CEP290: variants seen among roughly 807,000 people sequenced by gnomAD.
CEP290 encodes centrosomal protein of 290 kDa.
CEP290 carries 317 observed loss-of-function variants against 344.9 expected under a neutral mutation model. The ratio of observed to expected loss-of-function variants is 0.92; its 90% confidence interval spans 0.84 to 1.01. The LOEUF (loss-of-function observed/expected upper bound fraction) is 1.01, where lower values mean the gene tolerates loss of function less well. CEP290 is among the 50% of genes least tolerant of loss of function. The pLI is 0.00. For missense variants in CEP290, 2,754 were observed against 2,761.4 expected (o/e 1.00, Z 0.06); for synonymous variants, 932 against 895.8 (o/e 1.04, Z -0.72).
intron 43 of CEP290, among the ~76,000 whole-genome samples, chr12:88,070,104 C>A (rs540005068): frequency 1.3e-5 from 2 of 152,234 alleles, no homozygotes; most frequent in East Asian, 3.9e-4. Flanking sequence ...CACACACACA[C>A]AAAAATCTCA....
intron 28 of CEP290, among the ~76,000 whole-genome samples, chr12:88,093,291 T>C (rs1179574098): frequency 6.6e-6 from 1 of 152,128 alleles, no homozygotes; most frequent in Non-Finnish European, 1.5e-5. Context: ...TTGTGTTTAA[T>C]CATAAATTGT....
chr12:88,111,657 A>T lies in CEP290; in HGVS notation c.2217+37T>A, dbSNP rs775792473. The T allele has an allele frequency of 2.7e-6, 4 of 1,504,396 alleles. No individual in the cohort carries two copies. In the South Asian group the frequency reaches 5.4e-5, roughly 20 times the overall value. 93.2% of individuals were successfully genotyped at this position (1,504,396 alleles called of 1,614,324 possible). A position where few individuals can be genotyped will look rare whatever the true frequency, so the allele number is the denominator to read the frequency against. On this transcript the variant is annotated intron_variant, in intron 21 of 53. Coordinates refer to ENST00000552810, the MANE Select transcript of CEP290 (RefSeq NM_025114.4). ...AATTTCCTATTAAATCTACATTCTT[A>T]TGTTTAGCATTTTCTTTTATTTAAT...
rs779409629 is a variant in CEP290, at chr12:88,130,544, C to T, written c.516+1G>A. 8.2e-6 allele frequency: 13 copies of T among 1,594,278 alleles called. No individual in the cohort carries two copies. Among genetic ancestry groups the T allele is most frequent in the Non-Finnish European group, 2.6e-6 (3 of 1,171,664 alleles). On this transcript the variant is annotated splice_donor_variant, in intron 8 of 53. Transcript: ENST00000552810. LOFTEE classifies it high-confidence loss of function. Reference sequence around the variant, plus strand: ...AGATTTCACCACACTTAAAGCCTCACCTTTTTCTTTAGACGTTTGTTCTAC... The same window carrying T: ...AGATTTCACCACACTTAAAGCCTCATCTTTTTCTTTAGACGTTTGTTCTAC...
intron 9 of CEP290, 51 bp downstream of exon 9, chr12:88,130,217 A>C: frequency 6.7e-7 from 1 of 1,498,876 alleles, no homozygotes; most frequent in Non-Finnish European, 9.0e-7. Context: ...ATTGTAATGA[A>C]ATTAAAGTTT....
At chr12:88,053,142 T>A (rs1262196114) in intron 52 of CEP290, among the ~76,000 whole-genome samples, 1 of 152,174 alleles carries the variant, frequency 6.6e-6, no homozygotes, top group Non-Finnish European at 1.5e-5. Flanking sequence ...AACACATGTA[T>A]GCATATGTGT....
At position 88,139,192 on chromosome 12, in the gene CEP290, C is replaced by T; in HGVS notation, c.251-1G>A. 2 of 1,106,464 alleles carry T rather than the reference C, an allele frequency of 1.8e-6. No individual in the cohort carries two copies. The highest frequency in any genetic ancestry group is 2.5e-6 in the Non-Finnish European group (2 of 802,776). 68.5% of individuals were successfully genotyped at this position (1,106,464 alleles called of 1,614,324 possible). On this transcript the variant is annotated splice_acceptor_variant, in intron 4 of 53. Coordinates refer to ENST00000552810, the MANE Select transcript of CEP290 (RefSeq NM_025114.4). LOFTEE classifies it high-confidence loss of function. ...ATTACTTTAGTTTTTAATTGATTTT[C>T]TATTTTTTTAAAAAAAAAGAAAAAC...
At chr12:88,119,832 G>A (rs2039296556) in intron 15 of CEP290, among the ~76,000 whole-genome samples, 1 of 152,058 alleles carries the variant, frequency 6.6e-6, no homozygotes, top group Non-Finnish European at 1.5e-5. Flanking sequence ...CTGATATGTG[G>A]TATTAATAAA....
intron 24 of CEP290, 28 bp from the exon 25 acceptor site, chr12:88,106,933 G>C: frequency 1.3e-6 from 2 of 1,569,504 alleles, no homozygotes; most frequent in South Asian, 2.3e-5. Flanking sequence ...CATATTACTT[G>C]TTGAATCTAG....
At position 88,071,210 on chromosome 12, in the gene CEP290, A is replaced by C. The variant is rs191730877; in HGVS notation, c.6011+84T>G. On this transcript the variant is annotated intron_variant, in intron 43 of 53. Transcript: ENST00000552810. Reference sequence around the variant, plus strand: ...AAAGAAAACATAACCCAAGCTTAAGACAACACACATTTATTATTTCAATTT... The same window carrying C: ...AAAGAAAACATAACCCAAGCTTAAGCCAACACACATTTATTATTTCAATTT... The C allele has an allele frequency of 2.1e-4, 234 of 1,099,276 alleles. 1 individual carries two copies. The East Asian group carries it at 5.8e-3, about 27-fold the overall frequency. The allele number at this position is 1,099,276 out of a possible 1,614,324, so 68.1% of individuals were successfully genotyped here. A position where few individuals can be genotyped will look rare whatever the true frequency, so the allele number is the denominator to read the frequency against.
intron 51 of CEP290, 136 bp from the exon 52 acceptor site, chr12:88,053,882 T>C: frequency 2.0e-6 from 1 of 511,840 alleles, no homozygotes; most frequent in Non-Finnish European, 3.4e-6. Context: ...TTACTCTCAA[T>C]GCTACAATGT....
intron 41 of CEP290, among the ~76,000 whole-genome samples, chr12:88,076,813 T>G (rs1381106266): frequency 6.6e-6 from 1 of 152,022 alleles, no homozygotes; most frequent in Non-Finnish European, 1.5e-5. Flanking sequence ...AGGACCTATT[T>G]GGGTCAAAGT....
chr12:88,084,591 T>C lies in CEP290; in HGVS notation c.4699A>G (p.Arg1567Gly), dbSNP rs1405095364. 3 of 1,608,574 alleles carry C rather than the reference T, an allele frequency of 1.9e-6. No homozygotes were observed. The highest frequency in any genetic ancestry group is 1.7e-6 in the Non-Finnish European group (2 of 1,175,686). ...KKYQRLLEKA[R>G]EEQREIVKKH... Reference sequence around the variant, plus strand: ...CTCATAATATAATAAAATACCTCTCTGGCTTTTTCTAGAAGACGTTGATAC... The same window carrying C: ...CTCATAATATAATAAAATACCTCTCCGGCTTTTTCTAGAAGACGTTGATAC... Residue 1567 changes from arginine (R) to glycine (G), a missense_variant, in exon 35 of 54, where the codon AGA becomes GGA. By Grantham distance (125) the Arg-to-Gly change is moderately radical (BLOSUM62 -2). Transcript: ENST00000552810.
chr12:88,059,074 A>T, intron 48 of CEP290, 54 bp from the exon 49 acceptor site: 1 of 1,371,582 alleles, frequency 7.3e-7, no homozygotes, highest in Non-Finnish European at 9.9e-7. Flanking sequence ...CTGTTCTCAT[A>T]GATTCAGTGT....
chr12:88,116,722 C>T (rs1011424014), intron 18 of CEP290, among the ~76,000 whole-genome samples: 1 of 152,112 alleles, frequency 6.6e-6, no homozygotes, highest in Non-Finnish European at 1.5e-5. Context: ...CGCCTGTAAT[C>T]CCAGCACTTT....
chr12:88,101,033 G>A (rs927263673), intron 26 of CEP290, among the ~76,000 whole-genome samples: 22 of 152,254 alleles, frequency 1.4e-4, no homozygotes, highest in Middle Eastern at 6.8e-3. Flanking sequence ...TCACATGGGA[G>A]TCACAGGGTA....
intron 48 of CEP290, among the ~76,000 whole-genome samples, chr12:88,059,227 G>A (rs1192928416): frequency 1.3e-5 from 2 of 152,118 alleles, no homozygotes; most frequent in Non-Finnish European, 2.9e-5. Context: ...CGAAAATGAG[G>A]TCAGAGGAAT....
In CEP290 at chr12:88,071,794, C is replaced by G. The variant is rs886049877; in HGVS notation, c.5842G>C (p.Asp1948His). The change falls in exon 42 of 54, where the codon GAT (aspartate) becomes CAT (histidine). Residue 1948 changes from aspartate (D) to histidine (H), a missense_variant. Physicochemically the swap from Asp to His is moderately conservative, Grantham distance 81. Transcript: ENST00000552810. ...TLTKQLNTLK[D>H]LFAKADKEKL... is the part of the protein sequence containing the mutation. ...ATTTAAACTCACTTGGCAAAAAGAT[C>G]CTTCAAAGTATTCAACTGCTTTGTT... The G allele has an allele frequency of 6.3e-7, 1 of 1,592,284 alleles. No homozygotes were observed. The highest frequency in any genetic ancestry group is 2.3e-5 in the East Asian group (1 of 44,178).
Position 88,071,798 on chromosome 12 carries a change from C to T in CEP290, c.5838G>A (p.Leu1946=). The T allele has an allele frequency of 6.3e-7, 1 of 1,595,072 alleles. No homozygotes were observed. Among genetic ancestry groups the T allele is most frequent in the Non-Finnish European group, 8.5e-7 (1 of 1,173,652 alleles). Residue 1946 remains leucine (L), a synonymous_variant, in exon 42 of 54, where the codon TTG becomes TTA. Coordinates refer to ENST00000552810, the MANE Select transcript of CEP290 (RefSeq NM_025114.4). ...AAACTCACTTGGCAAAAAGATCCTT[C>T]AAAGTATTCAACTGCTTTGTTAAAG... The part of the protein sequence containing the change: ...VFTLTKQLNT[L]KDLFAKADKE...
At chr12:88,054,484 T>C in intron 50 of CEP290, 71 bp from the exon 51 acceptor site, 1 of 1,177,844 alleles carries the variant, frequency 8.5e-7, no homozygotes, top group South Asian at 1.3e-5. Flanking sequence ...AGATACACAT[T>C]TTTAACAAAG....
Sources: allele counts gnomAD v4.1 joint callset (sites outside exome capture counted in the v4.1 genomes callset), GRCh38; gene constraint gnomAD v4.1.1; transcripts MANE v1.5; gene names NCBI Gene and HGNC (gene_info 2026-07-23, HGNC 2026-07-21).